Variants in ABCA6 observed in about 807,000 individuals in gnomAD.
ABCA6 encodes ATP-binding cassette sub-family A member 6.
A neutral mutation model predicts 191.2 loss-of-function variants in ABCA6; 164 were observed. That is an observed-to-expected ratio of 0.86 (90% confidence interval 0.76 to 0.98). The LOEUF is 0.98. Among genes scored for constraint, ABCA6 ranks in the 50% least tolerant of loss-of-function variants. The pLI, the probability that ABCA6 is intolerant of heterozygous loss-of-function variation, is 0.00. For missense variants in ABCA6, 1,958 were observed against 1,894.1 expected, an observed-to-expected ratio of 1.03 and a Z score of -0.63; for synonymous variants, 636 against 647.7, an observed-to-expected ratio of 0.98 and a Z score of 0.27.
At chr17:69,118,848 C>G (rs2073585857) in intron 10 of ABCA6, among the ~76,000 whole-genome samples, 1 of 151,962 alleles carries the variant, frequency 6.6e-6, no homozygotes, top group South Asian at 2.1e-4. Flanking sequence ...TAGCATCAAC[C>G]TAATGCTGAC....
chr17:69,107,612 A>G, intron 18 of ABCA6, 84 bp downstream of exon 18: 1 of 952,652 alleles, frequency 1.0e-6, no homozygotes. Context: ...CTTAGTGTGA[A>G]TCACCCATAA....
At chr17:69,103,275 T>A (rs2073221222) in intron 20 of ABCA6, among the ~76,000 whole-genome samples, 1 of 152,166 alleles carries the variant, frequency 6.6e-6, no homozygotes, top group Non-Finnish European at 1.5e-5. Flanking sequence ...AATTGAATAA[T>A]CTGTGGAGAT....
At chr17:69,114,436 G>C (rs2073496414) in intron 13 of ABCA6, among the ~76,000 whole-genome samples, 1 of 150,360 alleles carries the variant, frequency 6.7e-6, no homozygotes, top group Non-Finnish European at 1.5e-5. Context: ...AGGGGAGAGG[G>C]ATAGCATTAG....
At chr17:69,134,545 CA>C in intron 5 of ABCA6, 93 bp downstream of exon 5, 2 of 883,042 alleles carry the variant, frequency 2.3e-6, no homozygotes, top group Non-Finnish European at 1.8e-6. Context: ...TGTAGCAGTA[CA>C]AACGGACTAA....
At chr17:69,098,813 G>A (rs2073110762) in intron 22 of ABCA6, among the ~76,000 whole-genome samples, 1 of 152,006 alleles carries the variant, frequency 6.6e-6, no homozygotes, top group Admixed American at 6.6e-5. Flanking sequence ...GGGGGAGGGG[G>A]AAAGCTAATT....
At chr17:69,132,172 G>A (rs1468435174) in intron 6 of ABCA6, among the ~76,000 whole-genome samples, 1 of 152,058 alleles carries the variant, frequency 6.6e-6, no homozygotes, top group African/African-American at 2.4e-5. Context: ...TGGCTCCCAA[G>A]GAATTGTTCA....
At chr17:69,128,477 GTAA>G (rs2073795876) in intron 8 of ABCA6, 139 bp downstream of exon 8, 3 of 514,580 alleles carry the variant, frequency 5.8e-6, no homozygotes, top group South Asian at 9.7e-5. Flanking sequence ...TTTTTACAAT[GTAA>G]TAATAACATT....
chr17:69,105,390 C>A, intron 20 of ABCA6, 72 bp downstream of exon 20: 1 of 1,393,656 alleles, frequency 7.2e-7, no homozygotes, highest in Non-Finnish European at 9.7e-7. Context: ...TTCACTTCCC[C>A]CCCCCACCTC....
At chr17:69,118,524 C>T (rs2073578938) in intron 10 of ABCA6, among the ~76,000 whole-genome samples, 1 of 152,018 alleles carries the variant, frequency 6.6e-6, no homozygotes, top group Non-Finnish European at 1.5e-5. Flanking sequence ...CAATTGCACT[C>T]TGATTTCTGA....
chr17:69,081,147 T>C lies in ABCA6; in HGVS notation c.4617-2A>G. The C allele has an allele frequency of 1.3e-6, 2 of 1,573,042 alleles. No individual in the cohort carries two copies. Among genetic ancestry groups the C allele is most frequent in the Non-Finnish European group, 1.7e-6 (2 of 1,153,986 alleles). On this transcript the variant is annotated splice_acceptor_variant, in intron 36 of 38. Coordinates refer to ENST00000284425, the MANE Select transcript of ABCA6 (RefSeq NM_080284.3). LOFTEE classifies it high-confidence loss of function. ...TTATAGGTTAACAAAGAGGAATACC[T>C]GAAAACAGGAAGATGTCGTTTTCAG...
At position 69,096,244 on chromosome 17, in the gene ABCA6, A is replaced by G. The variant is rs1417365129; in HGVS notation, c.3404T>C (p.Phe1135Ser). 1 of 1,439,614 alleles carries G rather than the reference A, an allele frequency of 6.9e-7. No homozygotes were observed. The highest frequency in any genetic ancestry group is 2.3e-5 in the East Asian group (1 of 42,982). The allele number at this position is 1,439,614 out of a possible 1,614,324, so 89.2% of individuals were successfully genotyped here. ...TTGTATGTATTATATACTTACAAAAAAGAAGTAAAATGACCAAAGGCCACT... is the reference window on the plus strand; with the variant it reads ...TTGTATGTATTATATACTTACAAAAGAGAAGTAAAATGACCAAAGGCCACT... ...KNSGLWSFYFFFASTIMFSIT... is the reference protein window; with the variant it reads ...KNSGLWSFYFSFASTIMFSIT... Residue 1135 changes from phenylalanine (F) to serine (S), a missense_variant, in exon 25 of 39, where the codon TTT becomes TCT. By Grantham distance (155) the Phe-to-Ser change is radical. Coordinates refer to ENST00000284425, the MANE Select transcript of ABCA6 (RefSeq NM_080284.3).
At chr17:69,133,596 A>G in intron 6 of ABCA6, 45 bp downstream of exon 6, 1 of 1,368,592 alleles carries the variant, frequency 7.3e-7, no homozygotes, top group South Asian at 1.3e-5. Flanking sequence ...ACTGCTTCTT[A>G]ATTTTCCTGT....
At chr17:69,108,597 C>T (rs1393746297) in intron 17 of ABCA6, 1 of 151,960 alleles carries the variant, frequency 6.6e-6, no homozygotes, top group Non-Finnish European at 1.5e-5. Context: ...TAATAGTTTC[C>T]CAGTACACAT....
chr17:69,105,743 G>A, intron 19 of ABCA6, 115 bp from the exon 20 acceptor site: 1 of 877,660 alleles, frequency 1.1e-6, no homozygotes, highest in South Asian at 1.8e-5. Flanking sequence ...CATGATTCTA[G>A]GTGCTAAAAT....
chr17:69,090,756 T>C (rs867849029), intron 26 of ABCA6, among the ~76,000 whole-genome samples: 7 of 152,204 alleles, frequency 4.6e-5, no homozygotes, highest in South Asian at 2.1e-4. Flanking sequence ...TATGAGTTTA[T>C]CCTCAGCGGC....
chr17:69,094,835 A>G (rs1338399014), intron 25 of ABCA6: 1 of 154,014 alleles, frequency 6.5e-6, no homozygotes, highest in Non-Finnish European at 1.4e-5. Flanking sequence ...AAAAGCCACA[A>G]AAGGAAGCTT....
At position 69,128,884 on chromosome 17, in the gene ABCA6, G is replaced by GCATGAA. The variant is rs2073807611; in HGVS notation, c.934-81_934-80insTTCATG. ...ATCATTGGCAGCCCAATCAAATAAG[G>GCATGAA]ATTTTTATATCATAACATAAATATT... On this transcript the variant is annotated intron_variant, in intron 7 of 38. Transcript: ENST00000284425. The GCATGAA allele has an allele frequency of 2.5e-5, 27 of 1,078,038 alleles. No homozygotes were observed. In the South Asian group the frequency reaches 5.0e-4, roughly 20 times the overall value. 66.8% of individuals were successfully genotyped at this position (1,078,038 alleles called of 1,614,324 possible).
intron 25 of ABCA6, among the ~76,000 whole-genome samples, chr17:69,095,956 T>G (rs535026758): frequency 2.7e-4 from 41 of 152,342 alleles, no homozygotes; most frequent in Admixed American, 5.9e-4. Flanking sequence ...AATTTTCTAG[T>G]GTTGGCAGGA....
At chr17:69,135,956 A>C (rs1467803993) in intron 4 of ABCA6, 136 bp downstream of exon 4, 2 of 837,534 alleles carry the variant, frequency 2.4e-6, no homozygotes, top group Non-Finnish European at 3.7e-6. Flanking sequence ...ATTGACCTTG[A>C]AATAAGTTCA....
Sources: gnomAD v4.1 joint callset for allele counts (sites outside exome capture counted in the v4.1 genomes callset) on GRCh38, gnomAD v4.1.1 for gene constraint, MANE v1.5 for transcripts, NCBI Gene and HGNC (gene_info 2026-07-23, HGNC 2026-07-21) for gene names.